MAP3K5: variants seen among roughly 807,000 people sequenced by gnomAD.
The protein encoded by MAP3K5 is ASK-1.
MAP3K5 carries 56 observed loss-of-function variants against 158.7 expected under a neutral mutation model. That is an observed-to-expected ratio of 0.35 (90% CI 0.28 to 0.44). The LOEUF is 0.44. Among genes scored for constraint, MAP3K5 ranks in the 20% least tolerant of loss-of-function variants. The pLI, the probability that MAP3K5 is intolerant of heterozygous loss-of-function variation, is 1.00. For missense variants in MAP3K5, 1,294 were observed against 1,674.8 expected (o/e 0.77, Z 3.97); for synonymous variants, 579 against 601.7 (o/e 0.96, Z 0.55).
intron 25 of MAP3K5, chr6:136,579,762 C>T (rs1260195700): frequency 4.4e-6 from 2 of 453,924 alleles, no homozygotes; most frequent in Non-Finnish European, 8.8e-6. Context: ...CTGTATCTTC[C>T]ACTCAATTTT....
intron 21 of MAP3K5, among the ~76,000 whole-genome samples, chr6:136,598,498 G>C (rs1267040194): frequency 6.6e-6 from 1 of 152,202 alleles, no homozygotes; most frequent in African/African-American, 2.4e-5. Flanking sequence ...TCAGGGCCTA[G>C]CACATTTCCT....
chr6:136,605,738 G>A (rs1776071035), intron 18 of MAP3K5, among the ~76,000 whole-genome samples: 1 of 152,172 alleles, frequency 6.6e-6, no homozygotes, highest in Admixed American at 6.5e-5. Context: ...CATGAAGACT[G>A]TTATTATGTA....
intron 12 of MAP3K5, among the ~76,000 whole-genome samples, chr6:136,642,056 A>T (rs1470386006): frequency 4.3e-5 from 6 of 138,818 alleles, no homozygotes; most frequent in Non-Finnish European, 7.5e-5. Context: ...AAAATAAAAT[A>T]AAATAAAATA....
intron 1 of MAP3K5, among the ~76,000 whole-genome samples, chr6:136,785,477 G>A (rs1033710432): frequency 4.6e-5 from 7 of 152,236 alleles, no homozygotes; most frequent in African/African-American, 1.7e-4. Flanking sequence ...CCGGGCGGAT[G>A]TGAAGGCTGG....
intron 25 of MAP3K5, among the ~76,000 whole-genome samples, chr6:136,574,313 T>C (rs1410185820): frequency 1.3e-5 from 2 of 152,234 alleles, no homozygotes; most frequent in African/African-American, 4.8e-5. Flanking sequence ...AACACTTGCA[T>C]GAAGCTCCTC....
chr6:136,724,407 C>G (rs984986981), intron 1 of MAP3K5, among the ~76,000 whole-genome samples: 2 of 152,058 alleles, frequency 1.3e-5, no homozygotes, highest in Non-Finnish European at 2.9e-5. Flanking sequence ...ACCACCACAT[C>G]CAGCTAATTT....
At chr6:136,633,526 T>C (rs570489874) in intron 14 of MAP3K5, among the ~76,000 whole-genome samples, 1 of 152,216 alleles carries the variant, frequency 6.6e-6, no homozygotes, top group Non-Finnish European at 1.5e-5. Flanking sequence ...AACTGACTGT[T>C]GGCAAAGTCA....
intron 1 of MAP3K5, among the ~76,000 whole-genome samples, chr6:136,742,460 A>C (rs1472250973): frequency 1.3e-5 from 2 of 152,126 alleles, no homozygotes; most frequent in Non-Finnish European, 2.9e-5. Context: ...AAAACAAAAA[A>C]AACACAAAGA....
intron 1 of MAP3K5, among the ~76,000 whole-genome samples, chr6:136,755,251 T>C (rs1783424156): frequency 1.3e-5 from 2 of 152,108 alleles, no homozygotes; most frequent in Admixed American, 1.3e-4. Flanking sequence ...CCAGCTCCTC[T>C]CTGCTCCCTG....
At position 136,639,561 on chromosome 6, in the gene MAP3K5, G is replaced by A. The variant is rs1777821457; in HGVS notation, c.1916C>T (p.Thr639Ile). ...TACGTACTTTTTACAATGAAGTTCT[G>A]TACAGAAATAGATTTGGAAATCATC... The part of the protein sequence containing the change: ...NSDDFQIYFC[T>I]ELHCKKFFEM... The change falls in exon 13 of 30, where the codon ACA becomes ATA. Residue 639 changes from threonine to isoleucine, a missense_variant. By Grantham distance (89) the Thr-to-Ile change is moderately conservative. Around this residue, in one of 5 missense-constraint regions of MAP3K5, gnomAD observed 690 missense variants for 870.5 expected, o/e 0.79. Transcript: ENST00000359015. The A allele has an allele frequency of 6.3e-7, 1 of 1,591,364 alleles. No homozygotes were observed.
At chr6:136,650,202 A>T (rs182920582) in intron 11 of MAP3K5, among the ~76,000 whole-genome samples, 1 of 152,320 alleles carries the variant, frequency 6.6e-6, no homozygotes, top group East Asian at 1.9e-4. Flanking sequence ...TTAAATGAGT[A>T]AGTTGATGAA....
chr6:136,561,301 A>G (rs1415117391), intron 28 of MAP3K5, among the ~76,000 whole-genome samples: 2 of 152,110 alleles, frequency 1.3e-5, no homozygotes, highest in Admixed American at 6.5e-5. Flanking sequence ...CTCTCGCCCT[A>G]TCTAATAAAC....
At chr6:136,600,926 C>T in intron 21 of MAP3K5, 96 bp downstream of exon 21, 1 of 1,302,664 alleles carries the variant, frequency 7.7e-7, no homozygotes, top group East Asian at 2.3e-5. Flanking sequence ...CCATGTAAGC[C>T]AGGAGCAGAG....
At chr6:136,733,968 C>CTCCA (rs1296704301) in intron 1 of MAP3K5, among the ~76,000 whole-genome samples, 5 of 152,138 alleles carry the variant, frequency 3.3e-5, no homozygotes, top group Non-Finnish European at 5.9e-5. Context: ...CCTAAAAATC[C>CTCCA]TCCAGACTTT....
At chr6:136,746,281 A>G (rs530344280) in intron 1 of MAP3K5, among the ~76,000 whole-genome samples, 9 of 142,692 alleles carry the variant, frequency 6.3e-5, no homozygotes, top group African/African-American at 2.8e-4. Flanking sequence ...ATTTCATAAA[A>G]TTTTGAGGGG....
intron 7 of MAP3K5, among the ~76,000 whole-genome samples, chr6:136,682,714 C>G (rs938432474): frequency 6.6e-6 from 1 of 152,170 alleles, no homozygotes; most frequent in Non-Finnish European, 1.5e-5. Flanking sequence ...AGTACAAGCA[C>G]CTAATTTCCT....
chr6:136,786,031 C>T (rs574087528), intron 1 of MAP3K5, among the ~76,000 whole-genome samples: 2 of 152,144 alleles, frequency 1.3e-5, no homozygotes, highest in Non-Finnish European at 2.9e-5. Context: ...CTTCACGGTT[C>T]AGTGTTTTCA....
intron 1 of MAP3K5, among the ~76,000 whole-genome samples, chr6:136,724,992 G>C (rs1454495669): frequency 6.6e-6 from 1 of 152,084 alleles, no homozygotes; most frequent in Non-Finnish European, 1.5e-5. Flanking sequence ...TGTCCCTAAA[G>C]TTTTACCTTT....
intron 1 of MAP3K5, among the ~76,000 whole-genome samples, chr6:136,757,018 G>C (rs1379783868): frequency 6.6e-6 from 1 of 152,172 alleles, no homozygotes; most frequent in East Asian, 1.9e-4. Flanking sequence ...AGCAAATCAA[G>C]GTGAACACCC....
Sources: allele counts gnomAD v4.1 joint callset (sites outside exome capture counted in the v4.1 genomes callset), GRCh38; gene constraint gnomAD v4.1.1; regional missense constraint gnomAD v4.1.1; transcripts MANE v1.5; gene names NCBI Gene and HGNC (gene_info 2026-07-23, HGNC 2026-07-21).